LRRC4C: variants seen among roughly 807,000 people sequenced by gnomAD.
LRRC4C encodes the protein leucine-rich repeat-containing protein 4C.
Under a neutral mutation model 33.6 loss-of-function variants are expected in LRRC4C, and 5 were observed. The ratio of observed to expected loss-of-function variants is 0.15; its 90% CI spans 0.08 to 0.31. The LOEUF is 0.31. Among genes scored for constraint, LRRC4C ranks in the 10% least tolerant of loss-of-function variants. The probability of loss-of-function intolerance (pLI) is 1.00; values close to 1 mark genes in which losing one functional copy is unlikely to be tolerated. For synonymous variants in LRRC4C, 329 were observed against 302.0 expected (o/e 1.09, Z -0.93); for missense variants, 560 against 796.7 (o/e 0.70, Z 3.58).
chr11:40,265,138 A>G (rs2136291193), intron 4 of LRRC4C, among the ~76,000 whole-genome samples: 1 of 152,238 alleles, frequency 6.6e-6, no homozygotes, highest in Non-Finnish European at 1.5e-5. Context: ...CCATTTTCCC[A>G]TAGCACCTTG....
chr11:41,397,622 C>G (rs971779507), intron 1 of LRRC4C, among the ~76,000 whole-genome samples: 1 of 150,244 alleles, frequency 6.7e-6, no homozygotes, highest in Non-Finnish European at 1.5e-5. Flanking sequence ...GTACAGGGGT[C>G]AGTGTCCTTT....
chr11:40,206,590 G>C (rs987238063), intron 5 of LRRC4C, among the ~76,000 whole-genome samples: 1 of 152,064 alleles, frequency 6.6e-6, no homozygotes, highest in Non-Finnish European at 1.5e-5. Context: ...GCAGGATGTG[G>C]AAAAATAATC....
chr11:41,323,130 GAAAGTGT>G (rs1216288677), intron 1 of LRRC4C, among the ~76,000 whole-genome samples: 6 of 152,092 alleles, frequency 3.9e-5, no homozygotes, highest in Non-Finnish European at 7.3e-5. Context: ...CCAAAGTGTG[GAAAGTGT>G]CCTGTTTACA....
intron 5 of LRRC4C, among the ~76,000 whole-genome samples, chr11:40,167,916 A>G (rs374308351): frequency 6.6e-6 from 1 of 151,996 alleles, no homozygotes; most frequent in South Asian, 2.1e-4. Context: ...TGGTGGCACA[A>G]GCCTGTAATC....
intron 1 of LRRC4C, among the ~76,000 whole-genome samples, chr11:41,308,081 A>AC (rs1950550385): frequency 1.3e-5 from 2 of 152,346 alleles, no homozygotes; most frequent in East Asian, 3.9e-4. Flanking sequence ...ACTTTCCACA[A>AC]CATAGAACCT....
At chr11:40,473,469 T>C (rs1189916995) in intron 3 of LRRC4C, among the ~76,000 whole-genome samples, 1 of 152,166 alleles carries the variant, frequency 6.6e-6, no homozygotes, top group East Asian at 1.9e-4. Context: ...ATAAGAGCTA[T>C]TTATGACAAA....
At chr11:40,549,265 G>A (rs796118418) in intron 3 of LRRC4C, among the ~76,000 whole-genome samples, 28 of 152,178 alleles carry the variant, frequency 1.8e-4, no homozygotes, top group African/African-American at 6.0e-4. Flanking sequence ...GGTTAACTGG[G>A]CCTGAAACAA....
intron 1 of LRRC4C, among the ~76,000 whole-genome samples, chr11:41,035,168 C>T (rs889794146): frequency 2.7e-5 from 4 of 149,704 alleles, no homozygotes; most frequent in South Asian, 2.1e-4. Flanking sequence ...CCAGCCTGGG[C>T]GACAGAATGA....
intron 1 of LRRC4C, among the ~76,000 whole-genome samples, chr11:41,031,709 A>G (rs1856739014): frequency 6.6e-6 from 1 of 152,052 alleles, no homozygotes. Context: ...GAGAAAGCTA[A>G]GATCAGGCAA....
chr11:40,979,474 G>A (rs1243538797), intron 1 of LRRC4C, among the ~76,000 whole-genome samples: 1 of 152,188 alleles, frequency 6.6e-6, no homozygotes, highest in Non-Finnish European at 1.5e-5. Context: ...CTATATTGGA[G>A]TCAGTTGGCC....
At chr11:41,188,155 C>T (rs1241459330) in intron 1 of LRRC4C, among the ~76,000 whole-genome samples, 1 of 152,064 alleles carries the variant, frequency 6.6e-6, no homozygotes, top group Admixed American at 6.6e-5. Flanking sequence ...CCCCTCCTCC[C>T]ACCCAACACA....
At chr11:41,179,719 G>A (rs12421201) in intron 1 of LRRC4C, among the ~76,000 whole-genome samples, 25 of 152,238 alleles carry the variant, frequency 1.6e-4, no homozygotes, top group Admixed American at 1.6e-3. Flanking sequence ...CTACAACACA[G>A]AATATAAACT....
intron 2 of LRRC4C, among the ~76,000 whole-genome samples, chr11:40,743,990 G>A (rs1163554564): frequency 6.6e-6 from 1 of 151,966 alleles, no homozygotes; most frequent in African/African-American, 2.4e-5. Flanking sequence ...CATTTTCTCA[G>A]GAAAGCCTGC....
At chr11:40,998,510 T>A (rs918442575) in intron 1 of LRRC4C, among the ~76,000 whole-genome samples, 1 of 152,120 alleles carries the variant, frequency 6.6e-6, no homozygotes. Context: ...TTTGTTATTT[T>A]CTCCATGCAA....
At chr11:40,896,609 A>G (rs1955951793) in intron 2 of LRRC4C, among the ~76,000 whole-genome samples, 1 of 151,970 alleles carries the variant, frequency 6.6e-6, no homozygotes, top group Non-Finnish European at 1.5e-5. Flanking sequence ...ACTCTAAATT[A>G]TGGTATTTTG....
At chr11:40,999,668 C>T (rs868664114) in intron 1 of LRRC4C, among the ~76,000 whole-genome samples, 50 of 151,908 alleles carry the variant, frequency 3.3e-4, no homozygotes, top group Middle Eastern at 3.4e-3. Flanking sequence ...TTTTTTAAAT[C>T]AAAATATTGG....
At chr11:41,386,956 AATATT>A (rs1953384350) in intron 1 of LRRC4C, among the ~76,000 whole-genome samples, 1 of 151,760 alleles carries the variant, frequency 6.6e-6, no homozygotes, top group South Asian at 2.1e-4. Flanking sequence ...TTAGCAATCA[AATATT>A]ATAGCATTCA....
chr11:40,351,204 G>T (rs1947366367), intron 3 of LRRC4C, among the ~76,000 whole-genome samples: 1 of 151,796 alleles, frequency 6.6e-6, no homozygotes. Context: ...TGTTTGTACA[G>T]TTTCCAATGT....
chr11:41,172,532 T>C (rs893523911), intron 1 of LRRC4C, among the ~76,000 whole-genome samples: 4 of 152,172 alleles, frequency 2.6e-5, no homozygotes, highest in African/African-American at 9.6e-5. Flanking sequence ...CTTTGATCTC[T>C]GTACTGACAA....
Sources: gnomAD v4.1 joint callset for allele counts (sites outside exome capture counted in the v4.1 genomes callset) on GRCh38, gnomAD v4.1.1 for gene constraint, MANE v1.5 for transcripts, NCBI Gene and HGNC (gene_info 2026-07-23, HGNC 2026-07-21) for gene names.